The following NDUFA10 variants were observed in gnomAD, a reference collection of about 807,000 sequenced individuals.
NDUFA10 encodes NADH dehydrogenase [ubiquinone] 1 alpha subcomplex subunit 10, mitochondrial.
NDUFA10 carries 40 observed loss-of-function variants against 47.8 expected under a neutral mutation model. That is an observed-to-expected ratio of 0.84 (90% confidence interval 0.65 to 1.09). The LOEUF (loss-of-function observed/expected upper bound fraction) is 1.09, where lower values mean the gene tolerates loss of function less well. Among genes scored for constraint, NDUFA10 ranks in the 50% least tolerant of loss-of-function variants. The pLI, the probability that NDUFA10 is intolerant of heterozygous loss-of-function variation, is 0.00. For synonymous variants in NDUFA10, 183 were observed against 172.2 expected, an observed-to-expected ratio of 1.06 and a Z score of -0.49; for missense variants, 413 against 451.1, an observed-to-expected ratio of 0.92 and a Z score of 0.76.
intron 6 of NDUFA10, 85 bp downstream of exon 6, chr2:240,011,532 C>G (rs1312260192): frequency 8.5e-6 from 9 of 1,057,542 alleles, no homozygotes; most frequent in South Asian, 1.3e-5. Context: ...GTAAATAAGA[C>G]AGAAAACTCC....
chr2:239,990,945 C>A (rs1460358179), intron 8 of NDUFA10, among the ~76,000 whole-genome samples: 2 of 152,060 alleles, frequency 1.3e-5, no homozygotes, highest in East Asian at 3.9e-4. Flanking sequence ...TTCTTAAGGG[C>A]TCAAAACAAA....
At chr2:239,942,467 A>G (rs918233968) in intron 4 of NDUFA10, among the ~76,000 whole-genome samples, 3 of 152,178 alleles carry the variant, frequency 2.0e-5, no homozygotes, top group Admixed American at 2.0e-4. Flanking sequence ...TGCTGTTTGA[A>G]ATGTATTGGT....
At chr2:240,012,912 A>G (rs1697196348) in intron 5 of NDUFA10, 1 of 152,228 alleles carries the variant, frequency 6.6e-6, no homozygotes, top group Non-Finnish European at 1.5e-5. Context: ...CGCCTTGCAT[A>G]TAGGAGGTGC....
At chr2:240,014,611 A>T in intron 5 of NDUFA10, 128 bp downstream of exon 5, 1 of 1,412,594 alleles carries the variant, frequency 7.1e-7, no homozygotes, top group Non-Finnish European at 9.9e-7. Flanking sequence ...TCAAGTGGGA[A>T]CAGGGTGTGT....
At chr2:239,967,729 C>T (rs1295634509) in intron 9 of NDUFA10, among the ~76,000 whole-genome samples, 5 of 152,150 alleles carry the variant, frequency 3.3e-5, no homozygotes, top group African/African-American at 4.8e-5. Flanking sequence ...GCAGCTGAAA[C>T]GTGCTGTTCT....
Position 240,025,281 on chromosome 2 carries a change from C to A in NDUFA10, c.21G>T (p.Lys7Asn). Residue 7 changes from lysine (K) to asparagine (N), a missense_variant, in exon 1 of 10, where the codon AAG (lysine) becomes AAT (asparagine). Transcript: ENST00000252711. MALRLL[K>N]LAATSASARV... The stretch of plus-strand genomic sequence containing the variant: ...GGGCGGACGCGGACGTCGCTGCCAG[C>A]TTCAGGAGCCGCAAGGCCATGGCTA... 1 of 1,504,950 alleles carries A rather than the reference C, an allele frequency of 6.6e-7. No homozygotes were observed. Among genetic ancestry groups the A allele is most frequent in the Non-Finnish European group, 8.8e-7 (1 of 1,130,676 alleles). The allele number at this position is 1,504,950 out of a possible 1,614,324, so 93.2% of individuals were successfully genotyped here.
chr2:239,933,328 C>CA (rs1421402248), intron 4 of NDUFA10, among the ~76,000 whole-genome samples: 2 of 152,178 alleles, frequency 1.3e-5, no homozygotes, highest in African/African-American at 4.8e-5. Context: ...CTCTACCCTT[C>CA]AGGAGTTCCC....
At chr2:239,961,302 C>CTG in intron 9 of NDUFA10, 116 bp from the exon 10 acceptor site, 1 of 1,563,306 alleles carries the variant, frequency 6.4e-7, no homozygotes, top group Non-Finnish European at 8.7e-7. Context: ...TTCAGCAATG[C>CTG]TGGTGAGCAC....
At chr2:239,895,158 C>A in intron 5 of NDUFA10, 1 of 399,446 alleles carries the variant, frequency 2.5e-6, no homozygotes, top group Non-Finnish European at 5.3e-6. Flanking sequence ...CACGTCACAT[C>A]CTCCCTCTCC....
Position 239,981,125 on chromosome 2 carries a change from T to C in NDUFA10, c.999+8949A>G, listed in dbSNP as rs145335900. ...GGGCTGCCAGGACTGAGAAATCATA[T>C]AGGATACCCGGTTAAAAACCTTGGG... is the stretch of plus-strand genomic sequence containing the variant. On this transcript the variant is annotated intron_variant, in intron 9 of 9. Transcript: ENST00000252711. 1.4e-4 allele frequency among the ~76,000 whole-genome samples: 21 copies of C among 152,330 alleles called. No individual in the cohort carries two copies. In the East Asian group the frequency reaches 3.7e-3, roughly 27 times the overall value.
At chr2:239,933,671 C>A (rs1448779708) in intron 4 of NDUFA10, among the ~76,000 whole-genome samples, 4 of 151,860 alleles carry the variant, frequency 2.6e-5, no homozygotes, top group Non-Finnish European at 5.9e-5. Flanking sequence ...TCGTGTAAAA[C>A]CCTGTGTGTG....
intron 4 of NDUFA10, among the ~76,000 whole-genome samples, chr2:239,925,393 T>C (rs1253454705): frequency 6.6e-6 from 1 of 152,212 alleles, no homozygotes; most frequent in Admixed American, 6.5e-5. Context: ...AATTGATGTT[T>C]GACAAAGGTG....
chr2:240,021,285 A>G lies in NDUFA10; in HGVS notation c.372T>C (p.Asn124=), dbSNP rs1360837745. 9.9e-6 allele frequency: 16 copies of G among 1,614,070 alleles called. No homozygotes were observed. Among genetic ancestry groups the G allele is most frequent in the Admixed American group, 1.7e-5 (1 of 60,008 alleles). ...LEKFYDDPRS[N]DGNSYRLQSW... ...ACTGCAGGCGGTAACTGTTGCCATC[A>G]TTGCTTCTCGGATCATCGTAAAATT... The change falls in exon 3 of 10, where the codon AAT becomes AAC. Residue 124 remains asparagine, a synonymous_variant. Transcript: ENST00000252711.
chr2:239,992,768 C>G (rs1302734776), intron 8 of NDUFA10, among the ~76,000 whole-genome samples: 1 of 152,164 alleles, frequency 6.6e-6, no homozygotes, highest in Admixed American at 6.5e-5. Flanking sequence ...CTGAAAAATA[C>G]AATTACTGCC....
chr2:239,941,724 C>CAA (rs370364666), intron 4 of NDUFA10, among the ~76,000 whole-genome samples: 12 of 112,084 alleles, frequency 1.1e-4, no homozygotes, highest in East Asian at 2.4e-4. Context: ...GACTCTGTCT[C>CAA]AAAAAAAAAA....
intron 4 of NDUFA10, among the ~76,000 whole-genome samples, chr2:239,916,920 G>A (rs1266424088): frequency 6.6e-6 from 1 of 152,266 alleles, no homozygotes; most frequent in Non-Finnish European, 1.5e-5. Flanking sequence ...CCCAAGATCT[G>A]ACCAGGAGCC....
intron 4 of NDUFA10, among the ~76,000 whole-genome samples, chr2:239,909,351 G>A (rs141871261): frequency 6.6e-6 from 1 of 152,278 alleles, no homozygotes; most frequent in Non-Finnish European, 1.5e-5. Flanking sequence ...GGCAGCTCAC[G>A]CCTGTAATCT....
intron 9 of NDUFA10, among the ~76,000 whole-genome samples, chr2:239,979,643 T>C (rs1695690681): frequency 6.6e-6 from 1 of 151,966 alleles, no homozygotes; most frequent in Non-Finnish European, 1.5e-5. Flanking sequence ...ACCAGCACTC[T>C]CACCTGCACC....
intron 9 of NDUFA10, among the ~76,000 whole-genome samples, chr2:239,984,075 A>C (rs1695903391): frequency 6.6e-6 from 1 of 152,100 alleles, no homozygotes; most frequent in African/African-American, 2.4e-5. Context: ...TCTACTAAAA[A>C]TACAAAAATT....
Sources: gnomAD v4.1 joint callset for allele counts (sites outside exome capture counted in the v4.1 genomes callset) on GRCh38, gnomAD v4.1.1 for gene constraint, MANE v1.5 for transcripts, NCBI Gene and HGNC (gene_info 2026-07-23, HGNC 2026-07-21) for gene names.